Variants in USP43 observed in about 807,000 individuals in gnomAD.
USP43 encodes ubiquitin carboxyl-terminal hydrolase 43.
In USP43, 33 loss-of-function variants were observed where a neutral mutation model predicts 90.7. That is an observed-to-expected ratio of 0.36 (90% CI 0.28 to 0.49). USP43 has a LOEUF of 0.49. USP43 is among the 20% of genes least tolerant of loss of function. The pLI is 0.98. For synonymous variants in USP43, 598 were observed against 615.8 expected (o/e 0.97, Z 0.43); for missense variants, 1,274 against 1,476.4 (o/e 0.86, Z 2.25).
intron 14 of USP43, among the ~76,000 whole-genome samples, chr17:9,720,802 G>A (rs1916912594): frequency 6.6e-6 from 1 of 152,092 alleles, no homozygotes; most frequent in African/African-American, 2.4e-5. Context: ...TTTTTTGACG[G>A]TCAAAATTAA....
intron 9 of USP43, among the ~76,000 whole-genome samples, chr17:9,693,574 G>A (rs533200041): frequency 2.6e-5 from 4 of 152,246 alleles, no homozygotes; most frequent in East Asian, 3.9e-4. Flanking sequence ...GGTGGTTCAC[G>A]CCTGTAATCC....
chr17:9,648,634 G>T (rs927319357), intron 1 of USP43, among the ~76,000 whole-genome samples: 1 of 152,144 alleles, frequency 6.6e-6, no homozygotes, highest in Non-Finnish European at 1.5e-5. Context: ...AATTTTGAAG[G>T]ATTAGGTGTC....
intron 8 of USP43, among the ~76,000 whole-genome samples, chr17:9,691,263 C>G (rs1025453132): frequency 6.6e-6 from 1 of 151,276 alleles, no homozygotes; most frequent in African/African-American, 2.4e-5. Flanking sequence ...TACAGGCACC[C>G]GCCACCACAC....
At chr17:9,688,543 G>T (rs1379163058) in intron 8 of USP43, among the ~76,000 whole-genome samples, 1 of 151,558 alleles carries the variant, frequency 6.6e-6, no homozygotes, top group Non-Finnish European at 1.5e-5. Context: ...TAGACACGGG[G>T]TTTCACCATG....
intron 3 of USP43, among the ~76,000 whole-genome samples, chr17:9,667,332 C>T (rs1007426470): frequency 6.6e-6 from 1 of 151,816 alleles, no homozygotes; most frequent in Non-Finnish European, 1.5e-5. Context: ...GGCTGGCGTA[C>T]AGTGAGCCGT....
chr17:9,690,191 C>T (rs59375438), intron 8 of USP43, among the ~76,000 whole-genome samples: 6,545 of 152,226 alleles, frequency 0.043, 451 homozygotes, highest in African/African-American at 0.15. Context: ...TTCTGTCCTA[C>T]CATGTGTCAT....
chr17:9,719,285 A>T (rs1463530577), intron 14 of USP43, among the ~76,000 whole-genome samples: 1 of 152,168 alleles, frequency 6.6e-6, no homozygotes, highest in Non-Finnish European at 1.5e-5. Flanking sequence ...AATGTGCTTG[A>T]TATCCTCCCA....
In USP43 at chr17:9,701,042, G is replaced by T. The variant is rs151136787; in HGVS notation, c.1536-77G>T. 13 of 1,415,904 alleles carry T rather than the reference G, an allele frequency of 9.2e-6. No individual in the cohort carries two copies. Among genetic ancestry groups the T allele is most frequent in the Non-Finnish European group, 9.2e-7 (1 of 1,083,422 alleles). 87.7% of individuals were successfully genotyped at this position (1,415,904 alleles called of 1,614,324 possible). A position where few individuals can be genotyped will look rare whatever the true frequency, so the allele number is the denominator to read the frequency against. On this transcript the variant is annotated intron_variant, in intron 10 of 14. Transcript: ENST00000285199. The surrounding 1 kb of genome is among the most constrained non-coding windows in gnomAD (Gnocchi z 7.2). Reference sequence around the variant, plus strand: ...CTGGCCAATGTCTGCTGACGGGTTTGCTGTGAGTAGAGACATAGACGAAAC... The same window carrying T: ...CTGGCCAATGTCTGCTGACGGGTTTTCTGTGAGTAGAGACATAGACGAAAC...
chr17:9,718,511 A>C (rs1916739011), intron 14 of USP43, among the ~76,000 whole-genome samples: 2 of 152,180 alleles, frequency 1.3e-5, no homozygotes, highest in South Asian at 4.1e-4. Context: ...CATGACACTC[A>C]TAGCATGTCT....
chr17:9,673,532 C>T (rs1399213609), intron 3 of USP43, among the ~76,000 whole-genome samples: 1 of 152,008 alleles, frequency 6.6e-6, no homozygotes, highest in East Asian at 1.9e-4. Context: ...AAAAAAGTTG[C>T]ATTTCACTTT....
At chr17:9,711,855 A>C in intron 13 of USP43, 113 bp from the exon 14 acceptor site, 39 of 1,233,788 alleles carry the variant, frequency 3.2e-5, no homozygotes, top group Non-Finnish European at 4.2e-5. Context: ...CTGGTTCTGT[A>C]GTTCTGGGGC....
chr17:9,646,172 CT>C, intron 1 of USP43, 36 bp downstream of exon 1: 2 of 1,391,496 alleles, frequency 1.4e-6, no homozygotes, highest in Non-Finnish European at 1.9e-6. Flanking sequence ...CCCTGTCCCC[CT>C]GGTTTCGCCT....
intron 12 of USP43, among the ~76,000 whole-genome samples, chr17:9,708,387 G>T (rs1916006403): frequency 6.6e-6 from 1 of 152,236 alleles, no homozygotes; most frequent in African/African-American, 2.4e-5. Context: ...TGGAATTCCA[G>T]TTAGGAGGGT....
intron 3 of USP43, among the ~76,000 whole-genome samples, chr17:9,670,090 G>A (rs1221883772): frequency 1.3e-5 from 2 of 150,004 alleles, no homozygotes; most frequent in Non-Finnish European, 3.0e-5. Context: ...CCAGGCTGGA[G>A]TGCAGTGGCG....
At chr17:9,715,096 G>C (rs1040928913) in intron 14 of USP43, among the ~76,000 whole-genome samples, 1 of 152,188 alleles carries the variant, frequency 6.6e-6, no homozygotes, top group Admixed American at 6.5e-5. Flanking sequence ...TAGTAGAGAC[G>C]CATTCAGATG....
chr17:9,700,203 C>G lies in USP43; in HGVS notation c.1489C>G (p.Pro497Ala). The G allele has an allele frequency of 1.2e-6, 2 of 1,607,302 alleles. No homozygotes were observed. The highest frequency in any genetic ancestry group is 1.7e-6 in the Non-Finnish European group (2 of 1,177,120). Reference sequence around the variant, plus strand: ...GCATCTCAGGAGGCCAGGAGGCCCTCCACATGTCAAGCTGGCGGTGGAGTG... The same window carrying G: ...GCATCTCAGGAGGCCAGGAGGCCCTGCACATGTCAAGCTGGCGGTGGAGTG... ...VLHLRRPGGP[P>A]HVKLAVEWDS... Residue 497 changes from proline (P) to alanine (A), a missense_variant, in exon 10 of 15, where the codon CCA (proline) becomes GCA (alanine). Coordinates refer to ENST00000285199, the MANE Select transcript of USP43 (RefSeq NM_153210.5).
At chr17:9,690,149 G>A (rs534710651) in intron 8 of USP43, among the ~76,000 whole-genome samples, 3 of 152,144 alleles carry the variant, frequency 2.0e-5, no homozygotes, top group African/African-American at 2.4e-5. Flanking sequence ...CAAAGGGGTC[G>A]GCTCACAACT....
At chr17:9,721,330 T>C (rs1185977311) in intron 14 of USP43, among the ~76,000 whole-genome samples, 1 of 152,182 alleles carries the variant, frequency 6.6e-6, no homozygotes. Context: ...TTCATTTCGG[T>C]TTTGATTTCT....
chr17:9,707,029 A>G (rs1915924460), intron 12 of USP43, among the ~76,000 whole-genome samples: 1 of 152,192 alleles, frequency 6.6e-6, no homozygotes, highest in South Asian at 2.1e-4. Context: ...GCTGCCATAT[A>G]CTTTTACATA....
Sources: gnomAD v4.1 joint callset for allele counts (sites outside exome capture counted in the v4.1 genomes callset) on GRCh38, gnomAD v4.1.1 for gene constraint, Gnocchi (gnomAD v3.1) non-coding constraint, MANE v1.5 for transcripts, NCBI Gene and HGNC (gene_info 2026-07-23, HGNC 2026-07-21) for gene names.